Variants in SMG6 observed in about 807,000 individuals in gnomAD.
The protein encoded by SMG6 is SMG6 nonsense mediated mRNA decay factor, also known as telomerase-binding protein EST1A.
SMG6 carries 66 observed loss-of-function variants against 142.2 expected under a neutral mutation model. That is an observed-to-expected ratio of 0.46 (90% confidence interval 0.38 to 0.57). The LOEUF is 0.57. SMG6 is among the 20% of genes least tolerant of loss of function. The pLI, the probability that SMG6 is intolerant of heterozygous loss-of-function variation, is 0.00. For missense variants in SMG6, 1,793 were observed against 1,832.0 expected, an observed-to-expected ratio of 0.98 and a Z score of 0.39; for synonymous variants, 779 against 702.4, an observed-to-expected ratio of 1.11 and a Z score of -1.72.
intron 10 of SMG6, among the ~76,000 whole-genome samples, chr17:2,196,718 G>C (rs528501427): frequency 6.6e-6 from 1 of 152,208 alleles, no homozygotes. Flanking sequence ...GGGAGAAATC[G>C]TTCTCCCTGA....
intron 18 of SMG6, chr17:2,063,308 C>T (rs551814896): frequency 2.0e-5 from 3 of 152,324 alleles, no homozygotes; most frequent in East Asian, 1.9e-4. Context: ...CGCCATAATC[C>T]ACATGATTTT....
At chr17:2,261,698 C>G (rs1016064005) in intron 8 of SMG6, among the ~76,000 whole-genome samples, 1 of 151,968 alleles carries the variant, frequency 6.6e-6, no homozygotes, top group Non-Finnish European at 1.5e-5. Context: ...CCCCAGTGTA[C>G]GGATGTAAAG....
At chr17:2,153,796 GTGATGGTGACTGGGGGAACCTGGGGA>G (rs2070905504) in intron 13 of SMG6, among the ~76,000 whole-genome samples, 2 of 99,174 alleles carry the variant, frequency 2.0e-5, no homozygotes, top group Non-Finnish European at 4.0e-5. Flanking sequence ...CACGTAGAGT[GTGATGGTGACTGGGGGAACCTGGGGA>G]TGCATGTAGA....
At chr17:2,262,458 G>C (rs1217765906) in intron 8 of SMG6, among the ~76,000 whole-genome samples, 1 of 152,202 alleles carries the variant, frequency 6.6e-6, no homozygotes, top group African/African-American at 2.4e-5. Context: ...CATGGCCCAA[G>C]ACATTATAAT....
chr17:2,217,198 CTTTT>C (rs1411366392), intron 10 of SMG6, among the ~76,000 whole-genome samples: 1 of 152,144 alleles, frequency 6.6e-6, no homozygotes, highest in South Asian at 2.1e-4. Flanking sequence ...TCAAATATTT[CTTTT>C]TATCATTATA....
chr17:2,240,254 G>A (rs2151294203), intron 9 of SMG6: 1 of 152,284 alleles, frequency 6.6e-6, no homozygotes, highest in African/African-American at 2.4e-5. Context: ...CAATCTTTCA[G>A]ACAACACCGG....
intron 10 of SMG6, chr17:2,233,208 AGAC>A (rs2073549421): frequency 1.3e-5 from 2 of 152,256 alleles, no homozygotes; most frequent in South Asian, 4.1e-4. Context: ...ACCCAGGTAG[AGAC>A]TGTGAGGATC....
In SMG6 at chr17:2,299,620, G is replaced by A; in HGVS notation, c.1133C>T (p.Pro378Leu). 1 of 1,614,174 alleles carries A rather than the reference G, an allele frequency of 6.2e-7. No individual in the cohort carries two copies. The highest frequency in any genetic ancestry group is 2.2e-5 in the East Asian group (1 of 44,886). ...GCCCCCACTGCTCAAGCCTTTGTCA[G>A]GCTTTCCTCTATCCATATCATCCCT... ...SARDDMDRGK[P>L]DKGLSSGGKG... is the part of the protein sequence containing the mutation. The change falls in exon 2 of 19, where the codon CCT (proline) becomes CTT (leucine). Residue 378 changes from proline to leucine, a missense_variant. Pro to Leu is a moderately conservative substitution (Grantham distance 98, BLOSUM62 -3). Around this residue, in one of 3 missense-constraint regions of SMG6, gnomAD observed 1,597 missense variants for 1,584.6 expected, o/e 1.01. Coordinates refer to ENST00000263073, the MANE Select transcript of SMG6 (RefSeq NM_017575.5). The surrounding 1 kb of genome is among the most constrained non-coding windows in gnomAD (Gnocchi z 4.3).
At chr17:2,273,922 C>T (rs552918194) in intron 8 of SMG6, among the ~76,000 whole-genome samples, 1 of 152,286 alleles carries the variant, frequency 6.6e-6, no homozygotes, top group South Asian at 2.1e-4. Context: ...TTCACTAATT[C>T]AGTGTTTGTG....
chr17:2,172,619 G>A, intron 13 of SMG6, 39 bp downstream of exon 13: 1 of 1,598,926 alleles, frequency 6.3e-7, no homozygotes, highest in Non-Finnish European at 8.6e-7. Context: ...GAATTAAGAG[G>A]AGGGGCGAAT....
rs2067722000 is a variant in SMG6 at position 2,059,861 on chromosome 17, A to G, written c.*1631T>C. 1 of 166,034 alleles carries G rather than the reference A, an allele frequency of 6.0e-6. No homozygotes were observed. The highest frequency in any genetic ancestry group is 2.4e-5 in the African/African-American group (1 of 41,456). 10.3% of individuals were successfully genotyped at this position (166,034 alleles called of 1,614,324 possible). A position where few individuals can be genotyped will look rare whatever the true frequency, so the allele number is the denominator to read the frequency against. On this transcript the variant is annotated 3_prime_UTR_variant, in exon 19 of 19. Coordinates refer to ENST00000263073, the MANE Select transcript of SMG6 (RefSeq NM_017575.5). ...GGTCAGGTATGTTTCATAACTAAAA[A>G]TTTATTAAGGAAACAAAACCAGTGC...
chr17:2,194,702 C>CA (rs1400165402), intron 10 of SMG6, among the ~76,000 whole-genome samples: 105 of 84,766 alleles, frequency 1.2e-3, no homozygotes, highest in African/African-American at 3.0e-3. Context: ...GAAAAGAAAA[C>CA]AAAACAAAAC....
chr17:2,276,224 G>C (rs997876662), intron 8 of SMG6, among the ~76,000 whole-genome samples: 1 of 152,076 alleles, frequency 6.6e-6, no homozygotes, highest in Non-Finnish European at 1.5e-5. Flanking sequence ...TTGTTTACAA[G>C]AAACACCAGG....
chr17:2,199,832 C>T (rs908342335), intron 10 of SMG6: 1 of 150,808 alleles, frequency 6.6e-6, no homozygotes, highest in Middle Eastern at 3.2e-3. Flanking sequence ...CGCTTGAACC[C>T]GGGAGGCGGG....
At chr17:2,228,095 G>A (rs1030102996) in intron 10 of SMG6, among the ~76,000 whole-genome samples, 6 of 152,142 alleles carry the variant, frequency 3.9e-5, no homozygotes, top group African/African-American at 1.2e-4. Flanking sequence ...ACAAACTCTC[G>A]CTCTGTCACC....
intron 13 of SMG6, among the ~76,000 whole-genome samples, chr17:2,106,745 G>A (rs1390473798): frequency 6.6e-6 from 1 of 152,102 alleles, no homozygotes; most frequent in Non-Finnish European, 1.5e-5. Flanking sequence ...CTGATGACAA[G>A]GCAGACAGGA....
intron 18 of SMG6, 122 bp downstream of exon 18, chr17:2,064,951 G>C: frequency 1.3e-6 from 1 of 767,272 alleles, no homozygotes; most frequent in Non-Finnish European, 2.2e-6. Flanking sequence ...CATCAGCCCT[G>C]AGCACTGATT....
chr17:2,207,117 C>CAAAAAAAAAAAAAAAAAAA, intron 10 of SMG6, among the ~76,000 whole-genome samples: 1 of 79,794 alleles, frequency 1.3e-5, no homozygotes, highest in Non-Finnish European at 2.4e-5. Flanking sequence ...ACTAAAAATC[C>CAAAAAAAAAAAAAAAAAAA]AAAAAAAAAA....
intron 12 of SMG6, among the ~76,000 whole-genome samples, chr17:2,183,195 C>T (rs2071860355): frequency 6.6e-6 from 1 of 151,424 alleles, no homozygotes; most frequent in African/African-American, 2.4e-5. Flanking sequence ...CACTGCCGTC[C>T]ACCCTGGGTA....
Sources: gnomAD v4.1 joint callset for allele counts (sites outside exome capture counted in the v4.1 genomes callset) on GRCh38, gnomAD v4.1.1 for gene constraint, gnomAD v4.1.1 regional missense constraint, Gnocchi (gnomAD v3.1) non-coding constraint, MANE v1.5 for transcripts, NCBI Gene and HGNC (gene_info 2026-07-23, HGNC 2026-07-21) for gene names.